DOK6: variants seen among roughly 807,000 people sequenced by gnomAD.
The protein encoded by DOK6 is downstream of tyrosine kinase 6.
A neutral mutation model predicts 44.0 loss-of-function variants in DOK6; 22 were observed. That is an observed-to-expected ratio of 0.50 (90% CI 0.36 to 0.71). The LOEUF is 0.71. DOK6 is among the 30% of genes least tolerant of loss of function. The probability of loss-of-function intolerance (pLI) is 0.00; values close to 1 mark genes in which losing one functional copy is unlikely to be tolerated. For missense variants in DOK6, 340 were observed against 416.4 expected (o/e 0.82, Z 1.60); for synonymous variants, 166 against 145.5 (o/e 1.14, Z -1.01).
chr18:69,629,201 G>A (rs1452720100), intron 3 of DOK6, among the ~76,000 whole-genome samples: 1 of 152,196 alleles, frequency 6.6e-6, no homozygotes, highest in Admixed American at 6.5e-5. Context: ...AGGTTCATTT[G>A]TATGGTGTTG....
chr18:69,802,536 A>G (rs148889890), intron 7 of DOK6, among the ~76,000 whole-genome samples: 5 of 152,256 alleles, frequency 3.3e-5, no homozygotes, highest in African/African-American at 7.2e-5. Context: ...GCAAGCTCCA[A>G]TGTTGAAGGA....
chr18:69,714,884 G>A (rs1313499195), intron 5 of DOK6, among the ~76,000 whole-genome samples: 2 of 152,098 alleles, frequency 1.3e-5, no homozygotes. Flanking sequence ...AATAATACAC[G>A]AATCAAGAAA....
intron 7 of DOK6, among the ~76,000 whole-genome samples, chr18:69,783,447 C>T (rs777515546): frequency 1.1e-4 from 17 of 152,048 alleles, no homozygotes; most frequent in Non-Finnish European, 2.2e-4. Flanking sequence ...CCACCTCTTC[C>T]TTTTTGGATT....
At chr18:69,593,383 A>G (rs999594100) in intron 2 of DOK6, among the ~76,000 whole-genome samples, 3 of 152,004 alleles carry the variant, frequency 2.0e-5, no homozygotes, top group Non-Finnish European at 4.4e-5. Flanking sequence ...TAAAAGAAAA[A>G]AAAAAAAGAA....
At chr18:69,634,476 A>G (rs1286696189) in intron 3 of DOK6, among the ~76,000 whole-genome samples, 3 of 152,204 alleles carry the variant, frequency 2.0e-5, no homozygotes, top group Admixed American at 6.5e-5. Context: ...TGACTTCAGC[A>G]TGTCATTTAA....
At chr18:69,726,121 T>C (rs963720113) in intron 5 of DOK6, among the ~76,000 whole-genome samples, 2 of 152,218 alleles carry the variant, frequency 1.3e-5, no homozygotes, top group Non-Finnish European at 2.9e-5. Flanking sequence ...TTGTCAAGAA[T>C]ATTCCATGAG....
At chr18:69,624,611 A>G (rs1411577782) in intron 3 of DOK6, among the ~76,000 whole-genome samples, 1 of 152,144 alleles carries the variant, frequency 6.6e-6, no homozygotes, top group African/African-American at 2.4e-5. Flanking sequence ...GCTAAGCCAG[A>G]GATGTATCAT....
intron 5 of DOK6, among the ~76,000 whole-genome samples, chr18:69,722,054 A>G (rs1156845598): frequency 6.6e-6 from 1 of 152,190 alleles, no homozygotes; most frequent in Non-Finnish European, 1.5e-5. Flanking sequence ...ACCTCCCTCA[A>G]AAAAGACGTG....
intron 5 of DOK6, among the ~76,000 whole-genome samples, chr18:69,707,066 G>A (rs1410543560): frequency 1.3e-5 from 2 of 152,162 alleles, no homozygotes; most frequent in Admixed American, 1.3e-4. Context: ...GGGATGGCAT[G>A]AGTGAACTCC....
At chr18:69,619,522 C>T (rs1441042053) in intron 3 of DOK6, among the ~76,000 whole-genome samples, 1 of 152,170 alleles carries the variant, frequency 6.6e-6, no homozygotes, top group African/African-American at 2.4e-5. Flanking sequence ...TTCCCATGTG[C>T]AGCTTCTAAA....
intron 6 of DOK6, among the ~76,000 whole-genome samples, chr18:69,747,342 C>T (rs1276515046): frequency 6.6e-6 from 1 of 152,102 alleles, no homozygotes; most frequent in Non-Finnish European, 1.5e-5. Flanking sequence ...TGTAAATGAA[C>T]ACAAATTAGC....
intron 7 of DOK6, among the ~76,000 whole-genome samples, chr18:69,801,275 T>C (rs1980899131): frequency 2.0e-5 from 3 of 152,204 alleles, no homozygotes; most frequent in African/African-American, 7.2e-5. Context: ...CATATGTCTG[T>C]AGCATAATTA....
At chr18:69,761,889 G>A (rs904994983) in intron 7 of DOK6, among the ~76,000 whole-genome samples, 4 of 152,120 alleles carry the variant, frequency 2.6e-5, no homozygotes, top group Non-Finnish European at 4.4e-5. Context: ...AATCCATATG[G>A]GTCCACAGCA....
rs974445338 is a variant in DOK6 at position 69,844,424 on chromosome 18, T to C, written c.*3041T>C. 3.9e-5 allele frequency: 6 copies of C among 152,110 alleles called. No individual in the cohort carries two copies. Among genetic ancestry groups the C allele is most frequent in the Non-Finnish European group, 8.8e-5 (6 of 68,010 alleles). The allele number at this position is 152,110 out of a possible 1,614,324, so 9.4% of individuals were successfully genotyped here. ...AGGAGGTATCTATTTCACTGAGAGA[T>C]TACACGAGGGGACTTATTTTTTATG... On this transcript the variant is annotated 3_prime_UTR_variant, in exon 8 of 8. Coordinates refer to ENST00000382713, the MANE Select transcript of DOK6 (RefSeq NM_152721.6).
chr18:69,615,989 C>A (rs1482895680), intron 3 of DOK6, among the ~76,000 whole-genome samples: 1 of 152,090 alleles, frequency 6.6e-6, no homozygotes, highest in Non-Finnish European at 1.5e-5. Context: ...AATGAGTTCC[C>A]AGTGGGAGAA....
chr18:69,659,877 G>A (rs1382075577), intron 3 of DOK6: 1 of 126,934 alleles, frequency 7.9e-6, no homozygotes, highest in Non-Finnish European at 1.6e-5. Flanking sequence ...AAACATATAT[G>A]TATGTTTTAT....
intron 1 of DOK6, among the ~76,000 whole-genome samples, chr18:69,549,522 A>G (rs1982505481): frequency 6.6e-6 from 1 of 151,578 alleles, no homozygotes. Flanking sequence ...CCATTACCCC[A>G]TTTGTCCAGT....
At chr18:69,416,658 T>C (rs143545248) in intron 1 of DOK6, among the ~76,000 whole-genome samples, 2 of 152,266 alleles carry the variant, frequency 1.3e-5, no homozygotes, top group East Asian at 1.9e-4. Flanking sequence ...TTCCTCCAGA[T>C]TGTATGACCT....
At chr18:69,696,402 T>C (rs1986390506) in intron 4 of DOK6, among the ~76,000 whole-genome samples, 3 of 152,214 alleles carry the variant, frequency 2.0e-5, no homozygotes, top group Admixed American at 2.0e-4. Context: ...AATACAGCCA[T>C]AAGCAACAAT....
Sources: gnomAD v4.1 joint callset for allele counts (sites outside exome capture counted in the v4.1 genomes callset) on GRCh38, gnomAD v4.1.1 for gene constraint, MANE v1.5 for transcripts, NCBI Gene and HGNC (gene_info 2026-07-23, HGNC 2026-07-21) for gene names.